BAIAP2: variants seen among roughly 807,000 people sequenced by gnomAD.
The protein encoded by BAIAP2 is BAR/IMD domain containing adaptor protein 2.
Under a neutral mutation model 63.0 loss-of-function variants are expected in BAIAP2, and 18 were observed. The observed-to-expected ratio is 0.29, with a 90% confidence interval of 0.20 to 0.42. The LOEUF is 0.42. BAIAP2 is among the 10% of genes least tolerant of loss of function. The probability of loss-of-function intolerance (pLI) is 1.00; values close to 1 mark genes in which losing one functional copy is unlikely to be tolerated. For missense variants in BAIAP2, 610 were observed against 734.3 expected, an observed-to-expected ratio of 0.83 and a Z score of 1.96; for synonymous variants, 386 against 307.6, an observed-to-expected ratio of 1.25 and a Z score of -2.67.
chr17:81,116,003 C>T lies in BAIAP2; in HGVS notation c.*164C>T, dbSNP rs1407471716. On this transcript the variant is annotated 3_prime_UTR_variant, in exon 14 of 14. Coordinates refer to ENST00000428708, the MANE Select transcript of BAIAP2 (RefSeq NM_001144888.2). Reference sequence around the variant, plus strand: ...TGGACTGGATCCCAGCTGTTCTAGGCAGGGCCGGGCAGAGTGGGGCGCAGG... The same window carrying T: ...TGGACTGGATCCCAGCTGTTCTAGGTAGGGCCGGGCAGAGTGGGGCGCAGG... 3.4e-6 allele frequency: 5 copies of T among 1,468,306 alleles called. No homozygotes were observed. The African/African-American group carries it at 5.6e-5, about 16-fold the overall frequency. The allele number at this position is 1,468,306 out of a possible 1,614,324, so 91.0% of individuals were successfully genotyped here.
intron 13 of BAIAP2, 183 bp downstream of exon 13, chr17:81,108,692 A>AC (rs1269190398): frequency 1.1e-5 from 10 of 882,412 alleles, no homozygotes; most frequent in Admixed American, 1.1e-4. Context: ...TGACACGGGA[A>AC]CCCCCCTGGG....
At chr17:81,050,840 G>A (rs756157998) in intron 1 of BAIAP2, among the ~76,000 whole-genome samples, 4 of 148,446 alleles carry the variant, frequency 2.7e-5, no homozygotes, top group Non-Finnish European at 4.5e-5. Context: ...AGAGTCGGCC[G>A]CATCCTCCTC....
rs754545872 is a variant in BAIAP2 at position 81,061,776 on chromosome 17, ATC to A, written c.217+3815_217+3816del. ...CTTTTTGTGTTTTTGTTCACCACTG[ATC>A]TCTCTTGGTGAAGTGTGTGTTCGAA... On this transcript the variant is annotated intron_variant, in intron 3 of 13. Transcript: ENST00000428708. 8.6e-5 allele frequency among the ~76,000 whole-genome samples: 13 copies of A among 151,784 alleles called. 1 individual carries two copies. The South Asian group carries it at 2.5e-3, about 29-fold the overall frequency.
At position 81,084,818 on chromosome 17, in the gene BAIAP2, G is replaced by A. The variant is rs1385401171; in HGVS notation, c.218-14G>A. 1.2e-6 allele frequency: 2 copies of A among 1,613,292 alleles called. No homozygotes were observed. The highest frequency in any genetic ancestry group is 1.7e-6 in the Non-Finnish European group (2 of 1,179,928). Reference sequence around the variant, plus strand: ...CTGACTCCCTCCCCTTCCTTCTGCTGTTCTGCTTCCCAGGAGACGTTCTCT... The same window carrying A: ...CTGACTCCCTCCCCTTCCTTCTGCTATTCTGCTTCCCAGGAGACGTTCTCT... On this transcript the variant is annotated splice_polypyrimidine_tract_variant and intron_variant, in intron 3 of 13. Coordinates refer to ENST00000428708, the MANE Select transcript of BAIAP2 (RefSeq NM_001144888.2).
chr17:81,056,828 T>C (rs1370927071), intron 2 of BAIAP2, among the ~76,000 whole-genome samples: 1 of 152,196 alleles, frequency 6.6e-6, no homozygotes. Flanking sequence ...GTTGCGTTTT[T>C]CTGCTGTTGC....
At position 81,086,336 on chromosome 17, in the gene BAIAP2, A is replaced by G. The variant is rs1011843695; in HGVS notation, c.352-107A>G. 5 of 1,396,090 alleles carry G rather than the reference A, an allele frequency of 3.6e-6. No homozygotes were observed. In the South Asian group the frequency reaches 6.7e-5, roughly 19 times the overall value. 86.5% of individuals were successfully genotyped at this position (1,396,090 alleles called of 1,614,324 possible). A position where few individuals can be genotyped will look rare whatever the true frequency, so the allele number is the denominator to read the frequency against. On this transcript the variant is annotated intron_variant, in intron 5 of 13. Transcript: ENST00000428708. ...CAGGAAGGGAGTGGCAGGGCTGGCAAGGGGACCCCGTTGCGTTGGGCTCAT... is the reference window on the plus strand; with the variant it reads ...CAGGAAGGGAGTGGCAGGGCTGGCAGGGGGACCCCGTTGCGTTGGGCTCAT...
intron 12 of BAIAP2, chr17:81,108,145 C>CGG: frequency 2.3e-6 from 1 of 427,578 alleles, no homozygotes; most frequent in Non-Finnish European, 4.2e-6. Flanking sequence ...AGGTGCCCTG[C>CGG]GGGGGCCTCG....
chr17:81,096,315 C>G (rs149964650), intron 6 of BAIAP2, among the ~76,000 whole-genome samples: 271 of 152,340 alleles, frequency 1.8e-3, no homozygotes, highest in African/African-American at 6.2e-3. Flanking sequence ...AGGGAGGGCA[C>G]AGAATCCTCA....
chr17:81,106,067 C>T lies in BAIAP2; in HGVS notation c.1269-11C>T. On this transcript the variant is annotated splice_polypyrimidine_tract_variant and intron_variant, in intron 10 of 13. Coordinates refer to ENST00000428708, the MANE Select transcript of BAIAP2 (RefSeq NM_001144888.2). Reference sequence around the variant, plus strand: ...GCTGAGCGTGGCTCTTACCTGGGGCCTCTCTTCCAGGCGGGGCTGGTTTCC... The same window carrying T: ...GCTGAGCGTGGCTCTTACCTGGGGCTTCTCTTCCAGGCGGGGCTGGTTTCC... 6.4e-7 allele frequency: 1 copy of T among 1,569,500 alleles called. No individual in the cohort carries two copies. The highest frequency in any genetic ancestry group is 8.6e-7 in the Non-Finnish European group (1 of 1,157,066).
intron 12 of BAIAP2, 147 bp downstream of exon 12, chr17:81,107,054 G>A: frequency 9.9e-7 from 1 of 1,013,746 alleles, no homozygotes; most frequent in Non-Finnish European, 1.4e-6. Context: ...TGCATGATTT[G>A]GGAATGTGTA....
At chr17:81,085,592 G>C in intron 4 of BAIAP2, 62 bp from the exon 5 acceptor site, 1 of 1,425,580 alleles carries the variant, frequency 7.0e-7, no homozygotes, top group Non-Finnish European at 9.9e-7. Context: ...GCCCTGCCCT[G>C]CCTCCTGTTC....
intron 13 of BAIAP2, among the ~76,000 whole-genome samples, chr17:81,112,657 G>A (rs368348592): frequency 1.4e-4 from 21 of 152,218 alleles, no homozygotes; most frequent in African/African-American, 3.6e-4. Context: ...GGTGCTGTCC[G>A]CCCGGCTCTG....
At chr17:81,103,790 G>T (rs904013066) in intron 8 of BAIAP2, 67 bp downstream of exon 8, 5 of 1,577,248 alleles carry the variant, frequency 3.2e-6, no homozygotes, top group Non-Finnish European at 4.3e-6. Flanking sequence ...TCAGGGCGGG[G>T]GGCCGCCAGG....
chr17:81,088,383 C>T (rs778632534), intron 6 of BAIAP2, among the ~76,000 whole-genome samples: 1 of 152,214 alleles, frequency 6.6e-6, no homozygotes, highest in African/African-American at 2.4e-5. Context: ...TTGCTAACAG[C>T]GTTTTTGAGA....
chr17:81,060,723 G>T (rs2050395878), intron 3 of BAIAP2, among the ~76,000 whole-genome samples: 1 of 152,180 alleles, frequency 6.6e-6, no homozygotes, highest in Middle Eastern at 3.2e-3. Context: ...AACAAAGTCA[G>T]CCACTTCCCA....
At chr17:81,065,915 G>T (rs949368674) in intron 3 of BAIAP2, among the ~76,000 whole-genome samples, 3 of 152,240 alleles carry the variant, frequency 2.0e-5, no homozygotes, top group African/African-American at 7.2e-5. Flanking sequence ...TCTTCAGGAC[G>T]GTGCCCTGTC....
chr17:81,051,691 C>A (rs56204158), intron 1 of BAIAP2, among the ~76,000 whole-genome samples: 9,052 of 151,994 alleles, frequency 0.06, 431 homozygotes, highest in African/African-American at 0.13. Context: ...CGTGTCCGGC[C>A]TGTTTTATTT....
In BAIAP2 at chr17:81,106,873, G is replaced by T; in HGVS notation, c.1466G>T (p.Arg489Met). Residue 489 changes from arginine (R) to methionine (M), a missense_variant, in exon 12 of 14, where the codon AGG becomes ATG. Arg to Met is a moderately conservative substitution (Grantham distance 91). Coordinates refer to ENST00000428708, the MANE Select transcript of BAIAP2 (RefSeq NM_001144888.2). The stretch of plus-strand genomic sequence containing the variant: ...CAGACGGCCAGCGGCTTCAAGCAGA[G>T]GCCCTACAGTGTGGCCGTGCCCGCC... ...PAQTASGFKQ[R>M]PYSVAVPAFS... 3 of 1,599,488 alleles carry T rather than the reference G, an allele frequency of 1.9e-6. No individual in the cohort carries two copies. Among genetic ancestry groups the T allele is most frequent in the Non-Finnish European group, 2.6e-6 (3 of 1,173,306 alleles).
At chr17:81,076,175 C>G (rs1439010010) in intron 3 of BAIAP2, 1 of 152,246 alleles carries the variant, frequency 6.6e-6, no homozygotes, top group African/African-American at 2.4e-5. Context: ...CTTCCAGAAT[C>G]AATCCCTGTT....
Sources: allele counts gnomAD v4.1 joint callset (sites outside exome capture counted in the v4.1 genomes callset), GRCh38; gene constraint gnomAD v4.1.1; transcripts MANE v1.5; gene names NCBI Gene and HGNC (gene_info 2026-07-23, HGNC 2026-07-21).